TXN: variants seen among roughly 807,000 people sequenced by gnomAD.
TXN encodes the protein ADF.
A neutral mutation model predicts 16.5 loss-of-function variants in TXN; 10 were observed. The ratio of observed to expected loss-of-function variants is 0.61; its 90% CI spans 0.37 to 1.03. TXN has a LOEUF of 1.03. TXN is among the 50% of genes least tolerant of loss of function. The probability of loss-of-function intolerance (pLI) is 0.01; values close to 1 mark genes in which losing one functional copy is unlikely to be tolerated. For missense variants in TXN, 71 were observed against 122.5 expected, an observed-to-expected ratio of 0.58 and a Z score of 1.98; for synonymous variants, 35 against 39.4, an observed-to-expected ratio of 0.89 and a Z score of 0.42.
At chr9:110,250,332 C>T (rs1189393419) in intron 3 of TXN, among the ~76,000 whole-genome samples, 3 of 152,176 alleles carry the variant, frequency 2.0e-5, no homozygotes, top group Non-Finnish European at 2.9e-5. Flanking sequence ...CCAAATTATT[C>T]TCTCAGGTAC....
intron 3 of TXN, among the ~76,000 whole-genome samples, chr9:110,249,436 G>C (rs907594862): frequency 3.3e-5 from 5 of 152,058 alleles, no homozygotes; most frequent in African/African-American, 1.2e-4. Flanking sequence ...GGCAACCAAC[G>C]TGAATTAAGA....
At chr9:110,254,431 A>T (rs1837779863) in intron 1 of TXN, among the ~76,000 whole-genome samples, 1 of 152,226 alleles carries the variant, frequency 6.6e-6, no homozygotes, top group Non-Finnish European at 1.5e-5. Context: ...CTGAGGCAAG[A>T]GAATCGCTTG....
At chr9:110,252,212 A>T (rs1464526839) in intron 1 of TXN, among the ~76,000 whole-genome samples, 1 of 136,032 alleles carries the variant, frequency 7.4e-6, no homozygotes, top group Admixed American at 7.6e-5. Context: ...CAATAGACGG[A>T]GACTCTGTCG....
At chr9:110,248,085 G>A (rs553727870) in intron 3 of TXN, among the ~76,000 whole-genome samples, 4 of 152,172 alleles carry the variant, frequency 2.6e-5, no homozygotes, top group African/African-American at 9.6e-5. Context: ...TTGTAGAGCT[G>A]TACAATGCAT....
Position 110,250,754 on chromosome 9 carries a change from T to G in TXN, c.189+66A>C, listed in dbSNP as rs935091291. ...TTGACATATTTATGGAAAAAAGCACTGTGCAATTCAGAGAAAAAGGCCAAT... is the reference window on the plus strand; with the variant it reads ...TTGACATATTTATGGAAAAAAGCACGGTGCAATTCAGAGAAAAAGGCCAAT... On this transcript the variant is annotated intron_variant, in intron 3 of 4. Coordinates refer to ENST00000374517, the MANE Select transcript of TXN (RefSeq NM_003329.4). 6 of 1,179,330 alleles carry G rather than the reference T, an allele frequency of 5.1e-6. No individual in the cohort carries two copies. The African/African-American group carries it at 7.7e-5, about 15-fold the overall frequency. 73.1% of individuals were successfully genotyped at this position (1,179,330 alleles called of 1,614,324 possible).
chr9:110,251,265 C>A, intron 2 of TXN, 93 bp downstream of exon 2: 1 of 985,860 alleles, frequency 1.0e-6, no homozygotes, highest in Non-Finnish European at 1.6e-6. Context: ...CCACCGAAAC[C>A]AAAATCCTTT....
chr9:110,251,051 T>A (rs1177712250), intron 2 of TXN, among the ~76,000 whole-genome samples, 172 bp from the exon 3 acceptor site: 1 of 152,162 alleles, frequency 6.6e-6, no homozygotes, highest in Non-Finnish European at 1.5e-5. Flanking sequence ...CTAAATCAAA[T>A]TTTTCTTAGT....
In TXN at chr9:110,244,836, G is replaced by T; in HGVS notation, c.197C>A (p.Ala66Asp). 4 of 1,612,764 alleles carry T rather than the reference G, an allele frequency of 2.5e-6. No individual in the cohort carries two copies. Among genetic ancestry groups the T allele is most frequent in the Non-Finnish European group, 3.4e-6 (4 of 1,179,006 alleles). ...CATGCATTTGACTTCACACTCTGAA[G>T]CAACATCCTGGTAGGGAAAGTAGCA... is the stretch of plus-strand genomic sequence containing the variant. ...EVDVDDCQDV[A>D]SECEVKCMPT... Residue 66 changes from alanine to aspartate, a missense_variant, in exon 4 of 5, where the codon GCT becomes GAT. Physicochemically the swap from Ala to Asp is moderately radical, Grantham distance 126. Transcript: ENST00000374517.
intron 4 of TXN, 74 bp downstream of exon 4, chr9:110,244,704 C>A (rs1837624746): frequency 2.3e-6 from 3 of 1,292,264 alleles, no homozygotes; most frequent in Non-Finnish European, 3.3e-6. Context: ...AAGGGAACAT[C>A]ACTCCAGTGA....
At position 110,256,141 on chromosome 9, in the gene TXN, G is replaced by A. The variant is rs1837806856; in HGVS notation, c.24+271C>T. 6.6e-6 allele frequency among the ~76,000 whole-genome samples: 1 copy of A among 152,132 alleles called. No homozygotes were observed. Among genetic ancestry groups the A allele is most frequent in the Admixed American group, 6.5e-5 (1 of 15,286 alleles). On this transcript the variant is annotated intron_variant, in intron 1 of 4. Coordinates refer to ENST00000374517, the MANE Select transcript of TXN (RefSeq NM_003329.4). The surrounding 1 kb of genome is among the most constrained non-coding windows in gnomAD (Gnocchi z 4.2). Reference sequence around the variant, plus strand: ...CGTGCAATCCCCCGAGGAACAGGGTGCGAGAAACGCTGGGCACCGCCACTC... The same window carrying A: ...CGTGCAATCCCCCGAGGAACAGGGTACGAGAAACGCTGGGCACCGCCACTC...
At position 110,252,440 on chromosome 9, in the gene TXN, A is replaced by G. The variant is rs4135189; in HGVS notation, c.25-978T>C. On this transcript the variant is annotated intron_variant, in intron 1 of 4. Transcript: ENST00000374517. ...GATTTTTGCCCTTTATTTTAAAACT[A>G]TACCCTTGTCATTCATTAAATGAAA... 7.0e-3 allele frequency among the ~76,000 whole-genome samples: 1,060 copies of G among 152,194 alleles called. 9 individuals carry two copies. The highest frequency in any genetic ancestry group is 0.011 in the Non-Finnish European group (728 of 68,010).
intron 3 of TXN, among the ~76,000 whole-genome samples, chr9:110,248,003 T>C (rs561350933): frequency 6.6e-6 from 1 of 152,288 alleles, no homozygotes; most frequent in South Asian, 2.1e-4. Flanking sequence ...GTTTGAATCT[T>C]AGTTTGTAAC....
intron 3 of TXN, among the ~76,000 whole-genome samples, chr9:110,245,555 A>C (rs1837635790): frequency 7.2e-6 from 1 of 139,236 alleles, no homozygotes; most frequent in African/African-American, 2.7e-5. Context: ...GACTACAGGC[A>C]CACGCCACCA....
At chr9:110,250,709 G>C in intron 3 of TXN, 111 bp downstream of exon 3, 1 of 905,814 alleles carries the variant, frequency 1.1e-6, no homozygotes, top group Non-Finnish European at 1.7e-6. Context: ...TTTTAGATAG[G>C]ATTACAGTTC....
At chr9:110,246,621 G>A (rs892497834) in intron 3 of TXN, among the ~76,000 whole-genome samples, 1 of 152,164 alleles carries the variant, frequency 6.6e-6, no homozygotes, top group African/African-American at 2.4e-5. Context: ...GAAACCAACG[G>A]AGAATTCTCA....
At chr9:110,250,735 T>A in intron 3 of TXN, 85 bp downstream of exon 3, 1 of 1,054,654 alleles carries the variant, frequency 9.5e-7, no homozygotes, top group Non-Finnish European at 1.4e-6. Context: ...TTATTTGACA[T>A]ATTTATGGAA....
rs1837809009 is a variant in TXN at position 110,256,309 on chromosome 9, C to T, written c.24+103G>A. The T allele has an allele frequency of 3.2e-6, 4 of 1,269,496 alleles. No homozygotes were observed. The East Asian group carries it at 1.0e-4, about 33-fold the overall frequency. 78.6% of individuals were successfully genotyped at this position (1,269,496 alleles called of 1,614,324 possible). ...CCCTGGCGATGCGGAGGGGCGGCCT[C>T]CGCACCTCCCGCCACCGCCTTCCCC... On this transcript the variant is annotated intron_variant, in intron 1 of 4. Coordinates refer to ENST00000374517, the MANE Select transcript of TXN (RefSeq NM_003329.4). The surrounding 1 kb of genome is among the most constrained non-coding windows in gnomAD (Gnocchi z 4.2).
intron 4 of TXN, 21 bp from the exon 5 acceptor site, chr9:110,244,240 T>A (rs1230585438): frequency 6.5e-7 from 1 of 1,532,312 alleles, no homozygotes; most frequent in South Asian, 1.3e-5. Flanking sequence ...AATATTGAAT[T>A]GACATTAGAC....
At chr9:110,251,940 A>C (rs2118577305) in intron 1 of TXN, among the ~76,000 whole-genome samples, 1 of 152,268 alleles carries the variant, frequency 6.6e-6, no homozygotes, top group South Asian at 2.1e-4. Context: ...TAAAGATAAA[A>C]GTTGGCTGGG....
Sources: allele counts gnomAD v4.1 joint callset (sites outside exome capture counted in the v4.1 genomes callset), GRCh38; gene constraint gnomAD v4.1.1; non-coding constraint Gnocchi (gnomAD v3.1); transcripts MANE v1.5; gene names NCBI Gene and HGNC (gene_info 2026-07-23, HGNC 2026-07-21).